RELN: variants seen among roughly 807,000 people sequenced by gnomAD.
RELN encodes the protein reelin.
A neutral mutation model predicts 427.6 loss-of-function variants in RELN; 108 were observed. The observed-to-expected ratio is 0.25, with a 90% CI of 0.22 to 0.30. The LOEUF (loss-of-function observed/expected upper bound fraction) is 0.30. Among genes scored for constraint, RELN ranks in the 10% least tolerant of loss-of-function variants. The probability of loss-of-function intolerance (pLI) is 1.00; values close to 1 mark genes in which losing one functional copy is unlikely to be tolerated. For synonymous variants in RELN, 1,524 were observed against 1,513.4 expected (o/e 1.01, Z -0.16); for missense variants, 3,715 against 4,302.8 (o/e 0.86, Z 3.82).
intron 2 of RELN, among the ~76,000 whole-genome samples, chr7:103,911,402 G>C (rs1490590708): frequency 7.0e-6 from 1 of 142,668 alleles, no homozygotes; most frequent in Non-Finnish European, 1.5e-5. Context: ...TTACACTGTT[G>C]GTGGGACTGT....
At chr7:103,519,665 C>A in intron 48 of RELN, 149 bp from the exon 49 acceptor site, 1 of 642,598 alleles carries the variant, frequency 1.6e-6, no homozygotes, top group Non-Finnish European at 2.7e-6. Flanking sequence ...TCACTGCAGC[C>A]TTGACCTCCT....
intron 3 of RELN, among the ~76,000 whole-genome samples, chr7:103,780,076 C>T (rs894811034): frequency 6.6e-6 from 1 of 152,196 alleles, no homozygotes; most frequent in African/African-American, 2.4e-5. Flanking sequence ...TTCTCTACTC[C>T]AACCCTTCAG....
chr7:103,884,112 C>A (rs187414642), intron 2 of RELN, among the ~76,000 whole-genome samples: 58 of 152,192 alleles, frequency 3.8e-4, no homozygotes, highest in Non-Finnish European at 2.1e-4. Context: ...TAACAGAGGC[C>A]TCAGAAATAA....
At chr7:103,806,593 G>T (rs183892453) in intron 3 of RELN, among the ~76,000 whole-genome samples, 1 of 152,056 alleles carries the variant, frequency 6.6e-6, no homozygotes, top group Non-Finnish European at 1.5e-5. Flanking sequence ...CCAAAGTGCT[G>T]GGATTACAGG....
At chr7:103,598,341 T>C (rs550634081) in intron 24 of RELN, among the ~76,000 whole-genome samples, 5 of 152,224 alleles carry the variant, frequency 3.3e-5, no homozygotes, top group Non-Finnish European at 5.9e-5. Context: ...ATTTTTCCTG[T>C]TGTTGATTTG....
chr7:103,721,028 A>T (rs2115897291), intron 8 of RELN, among the ~76,000 whole-genome samples: 2 of 152,242 alleles, frequency 1.3e-5, no homozygotes, highest in South Asian at 4.1e-4. Context: ...TAGTAAGTAA[A>T]TTCACCAATG....
intron 28 of RELN, among the ~76,000 whole-genome samples, chr7:103,581,372 A>T (rs2117221132): frequency 6.6e-6 from 1 of 152,086 alleles, no homozygotes; most frequent in East Asian, 1.9e-4. Flanking sequence ...TCACCATTTT[A>T]TGTTGGGTAA....
intron 4 of RELN, among the ~76,000 whole-genome samples, chr7:103,755,659 TA>T (rs1349689960): frequency 1.6e-5 from 2 of 128,790 alleles, no homozygotes; most frequent in African/African-American, 2.9e-5. Context: ...TTAAATAACA[TA>T]AAAAAATTAG....
chr7:103,504,899 C>T (rs185818258), intron 51 of RELN, among the ~76,000 whole-genome samples: 82 of 152,218 alleles, frequency 5.4e-4, no homozygotes, highest in South Asian at 2.1e-3. Flanking sequence ...TGGGGAGGGG[C>T]GTCTGCCATT....
chr7:103,503,101 C>T lies in RELN; in HGVS notation c.8404G>A (p.Gly2802Arg), dbSNP rs772873306. Reference sequence around the variant, plus strand: ...AATACAGATGGCTGAGAAACACTTCCAGAGCATTTTGGGTCAGCAGGCAAG... The same window carrying T: ...AATACAGATGGCTGAGAAACACTTCTAGAGCATTTTGGGTCAGCAGGCAAG... ...QCLPADPKCS[G>R]SVSQPSVFFP... is the part of the protein sequence containing the mutation. The change falls in exon 52 of 65, where the codon GGA becomes AGA. Residue 2802 changes from glycine (G) to arginine (R), a missense_variant. Coordinates refer to ENST00000428762, the MANE Select transcript of RELN (RefSeq NM_005045.4). The T allele has an allele frequency of 6.2e-6, 10 of 1,613,996 alleles. No individual in the cohort carries two copies. In the East Asian group the frequency reaches 2.0e-4, roughly 32 times the overall value.
intron 46 of RELN, 46 bp from the exon 47 acceptor site, chr7:103,523,577 A>G: frequency 1.2e-6 from 2 of 1,606,908 alleles, no homozygotes; most frequent in African/African-American, 1.3e-5. Flanking sequence ...GTGGAAAAGA[A>G]AATGTGTTCC....
intron 12 of RELN, among the ~76,000 whole-genome samples, chr7:103,658,412 C>G (rs1313605691): frequency 6.6e-6 from 1 of 151,988 alleles, no homozygotes. Flanking sequence ...TTCCATATGG[C>G]TTTATCTCCC....
intron 3 of RELN, among the ~76,000 whole-genome samples, chr7:103,798,500 T>C (rs2116301203): frequency 6.6e-6 from 1 of 152,254 alleles, no homozygotes; most frequent in Admixed American, 6.5e-5. Flanking sequence ...CTAAACCAGT[T>C]ATAAGGCCAG....
rs533003201 is a variant in RELN at position 103,504,448 on chromosome 7, A to C, written c.8275-1218T>G. 2.0e-5 allele frequency: 3 copies of C among 152,330 alleles called. No individual in the cohort carries two copies. In the East Asian group the frequency reaches 5.8e-4, roughly 29 times the overall value. The allele number at this position is 152,330 out of a possible 1,614,324, so 9.4% of individuals were successfully genotyped here. ...ACACATTTACTCTTATAAAAGTTTC[A>C]GCTTGAGAGACAGCTGGCAAGATGG... On this transcript the variant is annotated intron_variant, in intron 51 of 64. Coordinates refer to ENST00000428762, the MANE Select transcript of RELN (RefSeq NM_005045.4).
rs575328159 is a variant in RELN, at chr7:103,949,076, T to C, written c.227-31891A>G. ...GTATACATATATATGGGTATATATATACACACATACATGCACACACACACG... is the reference window on the plus strand; with the variant it reads ...GTATACATATATATGGGTATATATACACACACATACATGCACACACACACG... On this transcript the variant is annotated intron_variant, in intron 1 of 64. Coordinates refer to ENST00000428762, the MANE Select transcript of RELN (RefSeq NM_005045.4). Among the ~76,000 whole-genome samples, 91 of 146,588 alleles carry C rather than the reference T, an allele frequency of 6.2e-4. 1 individual carries two copies. The highest frequency in any genetic ancestry group is 2.3e-3 in the African/African-American group (90 of 38,992).
Position 103,989,018 on chromosome 7 carries a change from A to C in RELN, c.226+113T>G. The C allele has an allele frequency of 1.1e-6, 1 of 922,490 alleles. No individual in the cohort carries two copies. Among genetic ancestry groups the C allele is most frequent in the Non-Finnish European group, 1.8e-6 (1 of 567,302 alleles). The allele number at this position is 922,490 out of a possible 1,614,324, so 57.1% of individuals were successfully genotyped here. On this transcript the variant is annotated intron_variant, in intron 1 of 64. Coordinates refer to ENST00000428762, the MANE Select transcript of RELN (RefSeq NM_005045.4). This position sits in a 1 kb window ranked among gnomAD's most constrained non-coding sequence, Gnocchi z 4.9. Reference sequence around the variant, plus strand: ...CTGGACCAAGCGCATCGCTGGGGCCAGGGTTGTCATGGTTCTTGTTTCCAA... The same window carrying C: ...CTGGACCAAGCGCATCGCTGGGGCCCGGGTTGTCATGGTTCTTGTTTCCAA...
At chr7:103,927,180 CTATG>C (rs1386930629) in intron 1 of RELN, among the ~76,000 whole-genome samples, 1 of 152,060 alleles carries the variant, frequency 6.6e-6, no homozygotes, top group Non-Finnish European at 1.5e-5. Context: ...GGGTGTGAGA[CTATG>C]TGTGTATTGT....
At position 103,611,730 on chromosome 7, in the gene RELN, A is replaced by G; in HGVS notation, c.2776T>C (p.Tyr926His). Residue 926 changes from tyrosine (Y) to histidine (H), a missense_variant, in exon 21 of 65, where the codon TAT becomes CAT. Transcript: ENST00000428762. The part of the protein sequence containing the change: ...ETQSMQIGAS[Y>H]MIQFSLVMGC... The stretch of plus-strand genomic sequence containing the variant: ...ATCACCAAACTGAACTGAATCATAT[A>G]GGATGCTCCTATCTGCATTGATTGT... 6.2e-7 allele frequency: 1 copy of G among 1,613,946 alleles called. No individual in the cohort carries two copies. The highest frequency in any genetic ancestry group is 8.5e-7 in the Non-Finnish European group (1 of 1,179,892).
intron 2 of RELN, among the ~76,000 whole-genome samples, chr7:103,836,598 A>T (rs902866487): frequency 1.3e-5 from 2 of 152,096 alleles, no homozygotes; most frequent in African/African-American, 4.8e-5. Context: ...TGCACTCTGC[A>T]CACCCAAAAT....
Sources: gnomAD v4.1 joint callset for allele counts (sites outside exome capture counted in the v4.1 genomes callset) on GRCh38, gnomAD v4.1.1 for gene constraint, Gnocchi (gnomAD v3.1) non-coding constraint, MANE v1.5 for transcripts, NCBI Gene and HGNC (gene_info 2026-07-23, HGNC 2026-07-21) for gene names.